MAGI2: variants seen among roughly 807,000 people sequenced by gnomAD.
MAGI2 encodes membrane-associated guanylate kinase, WW and PDZ domain-containing protein 2.
Under a neutral mutation model 133.3 loss-of-function variants are expected in MAGI2, and 35 were observed. The observed-to-expected ratio is 0.26, with a 90% CI of 0.20 to 0.35. The LOEUF (loss-of-function observed/expected upper bound fraction) is 0.35. Among genes scored for constraint, MAGI2 ranks in the 10% least tolerant of loss-of-function variants. The probability of loss-of-function intolerance (pLI) is 1.00; values close to 1 mark genes in which losing one functional copy is unlikely to be tolerated. For synonymous variants in MAGI2, 729 were observed against 710.6 expected (o/e 1.03, Z -0.41); for missense variants, 1,636 against 1,863.4 (o/e 0.88, Z 2.25).
At chr7:78,213,094 T>C (rs936782810) in intron 10 of MAGI2, among the ~76,000 whole-genome samples, 1 of 152,234 alleles carries the variant, frequency 6.6e-6, no homozygotes, top group Admixed American at 6.5e-5. Context: ...TAAAATCCTT[T>C]CTAGTGCTTT....
chr7:78,027,956 TC>T (rs1809125105), intron 21 of MAGI2, among the ~76,000 whole-genome samples: 1 of 152,248 alleles, frequency 6.6e-6, no homozygotes, highest in African/African-American at 2.4e-5. Flanking sequence ...TTTATTGAAA[TC>T]TATTTTCTTT....
chr7:78,995,864 T>C (rs1018220189), intron 2 of MAGI2, among the ~76,000 whole-genome samples: 3 of 152,188 alleles, frequency 2.0e-5, no homozygotes, highest in Non-Finnish European at 2.9e-5. Flanking sequence ...ACACTCCCTC[T>C]TTCTCTGCTG....
At chr7:78,440,598 T>C (rs1787518481) in intron 6 of MAGI2, among the ~76,000 whole-genome samples, 1 of 151,878 alleles carries the variant, frequency 6.6e-6, no homozygotes, top group Non-Finnish European at 1.5e-5. Flanking sequence ...TAAAAACACA[T>C]AGAAAACATA....
At chr7:78,242,700 T>C (rs182190191) in intron 10 of MAGI2, among the ~76,000 whole-genome samples, 34 of 152,316 alleles carry the variant, frequency 2.2e-4, no homozygotes, top group Admixed American at 1.7e-3. Flanking sequence ...GTGATAGCTA[T>C]TCTCTTTCAT....
intron 1 of MAGI2, among the ~76,000 whole-genome samples, chr7:79,388,869 C>T (rs1844396449): frequency 6.8e-6 from 1 of 147,264 alleles, no homozygotes; most frequent in African/African-American, 2.5e-5. Flanking sequence ...ACAGTCTTGA[C>T]CCAAAGCTGG....
intron 17 of MAGI2, 67 bp from the exon 18 acceptor site, chr7:78,133,127 G>C: frequency 1.5e-6 from 2 of 1,353,590 alleles, no homozygotes; most frequent in Non-Finnish European, 2.0e-6. Flanking sequence ...GAAGTGACTA[G>C]AGGCAGTGAC....
intron 3 of MAGI2, among the ~76,000 whole-genome samples, chr7:78,549,998 CGTAA>C (rs1563155782): frequency 6.6e-6 from 1 of 152,090 alleles, no homozygotes; most frequent in Non-Finnish European, 1.5e-5. Flanking sequence ...GTGAAGCCCA[CGTAA>C]GTAAGATTAG....
chr7:78,256,730 T>G, intron 9 of MAGI2, 149 bp from the exon 10 acceptor site: 1 of 668,124 alleles, frequency 1.5e-6, no homozygotes, highest in East Asian at 2.7e-5. Flanking sequence ...TCACTGTGGG[T>G]GACTCAAGGT....
intron 2 of MAGI2, among the ~76,000 whole-genome samples, chr7:78,799,281 T>C (rs1026825449): frequency 2.0e-5 from 3 of 152,160 alleles, no homozygotes; most frequent in African/African-American, 7.2e-5. Context: ...GAAGTAAGCA[T>C]TGCAAACACA....
chr7:78,247,713 G>C (rs1791950162), intron 10 of MAGI2, among the ~76,000 whole-genome samples: 1 of 152,018 alleles, frequency 6.6e-6, no homozygotes, highest in Non-Finnish European at 1.5e-5. Flanking sequence ...AAGAATCTCT[G>C]AACTTGAAGA....
chr7:78,411,128 T>C (rs1204663524), intron 6 of MAGI2, among the ~76,000 whole-genome samples: 1 of 152,058 alleles, frequency 6.6e-6, no homozygotes, highest in Non-Finnish European at 1.5e-5. Flanking sequence ...GGAGACTGAA[T>C]TTGTTTTTCT....
intron 2 of MAGI2, among the ~76,000 whole-genome samples, chr7:78,965,288 CACAAAG>C (rs1803212835): frequency 6.6e-6 from 1 of 151,256 alleles, no homozygotes; most frequent in Non-Finnish European, 1.5e-5. Context: ...ATATGCATGT[CACAAAG>C]ACAAACGATT....
chr7:79,150,430 T>C (rs1341292940), intron 1 of MAGI2, among the ~76,000 whole-genome samples: 1 of 152,196 alleles, frequency 6.6e-6, no homozygotes, highest in Non-Finnish European at 1.5e-5. Context: ...TTTCTTTTGA[T>C]GATAAAGTTA....
intron 1 of MAGI2, among the ~76,000 whole-genome samples, chr7:79,168,352 G>A (rs549787270): frequency 3.3e-5 from 5 of 152,112 alleles, no homozygotes; most frequent in African/African-American, 1.2e-4. Context: ...CTAAATGATT[G>A]TGTAGGTAAA....
intron 2 of MAGI2, among the ~76,000 whole-genome samples, chr7:78,729,032 CAT>C (rs1821113577): frequency 6.6e-6 from 1 of 152,116 alleles, no homozygotes; most frequent in African/African-American, 2.4e-5. Flanking sequence ...GTTTTGTAAT[CAT>C]GTGGATATCA....
intron 20 of MAGI2, among the ~76,000 whole-genome samples, chr7:78,121,446 A>AT (rs150420967): frequency 9.2e-5 from 14 of 152,294 alleles, no homozygotes; most frequent in African/African-American, 3.4e-4. Context: ...ATGTACAGGC[A>AT]TTTTTTAGTT....
intron 20 of MAGI2, among the ~76,000 whole-genome samples, chr7:78,090,524 A>G (rs943128736): frequency 6.6e-6 from 1 of 152,176 alleles, no homozygotes; most frequent in Non-Finnish European, 1.5e-5. Flanking sequence ...CTTGCTCACT[A>G]TGGTTTTCCT....
At chr7:78,837,941 G>T (rs1329357108) in intron 2 of MAGI2, among the ~76,000 whole-genome samples, 2 of 152,096 alleles carry the variant, frequency 1.3e-5, no homozygotes, top group Non-Finnish European at 2.9e-5. Flanking sequence ...AACAGCCATT[G>T]AAAAACAACT....
chr7:78,760,115 CA>C (rs66987278), intron 2 of MAGI2, among the ~76,000 whole-genome samples: 70,121 of 149,006 alleles, frequency 0.47, 16,766 homozygotes, highest in Non-Finnish European at 0.53. Flanking sequence ...GACTCCGTCT[CA>C]AAAAAAAAAT....
Sources: gnomAD v4.1 joint callset for allele counts (sites outside exome capture counted in the v4.1 genomes callset) on GRCh38, gnomAD v4.1.1 for gene constraint, MANE v1.5 for transcripts, NCBI Gene and HGNC (gene_info 2026-07-23, HGNC 2026-07-21) for gene names.